Variants in LYPLAL1 observed in about 807,000 individuals in gnomAD.
LYPLAL1 encodes lysophospholipase like 1, also known as lysophospholipase-like protein 1.
In LYPLAL1, 23 loss-of-function variants were observed where a neutral mutation model predicts 19.7. That is an observed-to-expected ratio of 1.17 (90% CI 0.84 to 1.65). LYPLAL1 has a LOEUF of 1.65. Ranked by LOEUF, LYPLAL1 falls within the 40% of genes most tolerant of loss-of-function variation. The pLI is 0.00. For synonymous variants in LYPLAL1, 119 were observed against 96.3 expected, an observed-to-expected ratio of 1.24 and a Z score of -1.38; for missense variants, 355 against 279.4, an observed-to-expected ratio of 1.27 and a Z score of -1.93.
At chr1:219,313,532 T>TG in the LYPLAL1 span, among the ~76,000 whole-genome samples, 36 of 150,146 alleles carry the variant, frequency 2.4e-4, no homozygotes, top group African/African-American at 8.5e-4. Context: ...AAAAAAACTT[T>TG]TTTTTTTTTT....
chr1:219,249,980 T>C, the LYPLAL1 span, among the ~76,000 whole-genome samples: 1 of 152,014 alleles, frequency 6.6e-6, no homozygotes. Flanking sequence ...GCTTTTTCAC[T>C]CTCTTTGTGG....
chr1:219,235,072 T>A, the LYPLAL1 span, among the ~76,000 whole-genome samples: 1 of 152,326 alleles, frequency 6.6e-6, no homozygotes, highest in Admixed American at 6.5e-5. Flanking sequence ...ATCTGTCATT[T>A]GTTTACATTA....
the LYPLAL1 span, among the ~76,000 whole-genome samples, chr1:219,440,355 A>T: frequency 2.0e-5 from 3 of 152,096 alleles, no homozygotes; most frequent in Admixed American, 1.3e-4. Context: ...TCAACCCAGG[A>T]TCGATGTGTA....
At chr1:219,292,767 G>T in the LYPLAL1 span, among the ~76,000 whole-genome samples, 1 of 152,160 alleles carries the variant, frequency 6.6e-6, no homozygotes, top group Admixed American at 6.5e-5. Context: ...ACGTAAGAAG[G>T]TTATTATAAA....
At chr1:219,337,728 T>G in the LYPLAL1 span, among the ~76,000 whole-genome samples, 2 of 152,014 alleles carry the variant, frequency 1.3e-5, no homozygotes, top group African/African-American at 4.8e-5. Context: ...TAAATGAAGT[T>G]TCATCGGAAC....
the LYPLAL1 span, among the ~76,000 whole-genome samples, chr1:219,325,445 C>T: frequency 2.0e-5 from 3 of 152,066 alleles, no homozygotes; most frequent in Non-Finnish European, 4.4e-5. Context: ...AAAATGGCAC[C>T]GTCCCTTTCT....
the LYPLAL1 span, among the ~76,000 whole-genome samples, chr1:219,335,253 C>T: frequency 6.6e-6 from 1 of 151,910 alleles, no homozygotes; most frequent in South Asian, 2.1e-4. Flanking sequence ...CTCCTGTTCA[C>T]ACTCATTTCA....
chr1:219,430,022 A>G, the LYPLAL1 span, among the ~76,000 whole-genome samples: 2 of 152,166 alleles, frequency 1.3e-5, no homozygotes, highest in African/African-American at 4.8e-5. Context: ...GGTCAGACAC[A>G]GTGGCTCACA....
the LYPLAL1 span, among the ~76,000 whole-genome samples, chr1:219,411,078 C>G: frequency 2.6e-5 from 4 of 152,228 alleles, no homozygotes; most frequent in Non-Finnish European, 5.9e-5. Flanking sequence ...CCTGCAGCCC[C>G]GGTGCCGGAT....
chr1:219,394,408 C>A, the LYPLAL1 span, among the ~76,000 whole-genome samples: 4 of 152,042 alleles, frequency 2.6e-5, no homozygotes, highest in Non-Finnish European at 5.9e-5. Context: ...CATGGTTATG[C>A]CGCTATCACC....
the LYPLAL1 span, among the ~76,000 whole-genome samples, chr1:219,244,810 C>T: frequency 6.7e-6 from 1 of 148,920 alleles, no homozygotes; most frequent in Non-Finnish European, 1.5e-5. Flanking sequence ...AGCCAGACAT[C>T]GTGGTGCATG....
At chr1:219,311,933 A>G in the LYPLAL1 span, among the ~76,000 whole-genome samples, 6 of 152,274 alleles carry the variant, frequency 3.9e-5, no homozygotes, top group African/African-American at 1.4e-4. Context: ...TTTGAATTCT[A>G]TACATTAAAA....
rs17049146 is a variant in LYPLAL1 at position 219,205,974 on chromosome 1, G to A, written c.362-4558G>A. ...AATAAATGTAATAGTCATAATTTCT[G>A]TATTCCCAAATCTGAAGAATAATTA... On this transcript the variant is annotated intron_variant, in intron 3 of 4. Transcript: ENST00000366928. 1.0e-3 allele frequency among the ~76,000 whole-genome samples: 153 copies of A among 152,218 alleles called. 7 individuals carry two copies. In the East Asian group the frequency reaches 0.027, roughly 27 times the overall value.
the LYPLAL1 span, among the ~76,000 whole-genome samples, chr1:219,399,916 C>T: frequency 1.3e-5 from 2 of 152,208 alleles, no homozygotes; most frequent in Non-Finnish European, 2.9e-5. Context: ...CCACACCAAA[C>T]CCGCTGGTCT....
At chr1:219,203,086 C>G (rs972727499) in intron 3 of LYPLAL1, among the ~76,000 whole-genome samples, 4 of 62,748 alleles carry the variant, frequency 6.4e-5, no homozygotes, top group Non-Finnish European at 1.2e-4. Context: ...AGTTGTTAAC[C>G]TTTTATTTTG....
At chr1:219,372,281 A>C in the LYPLAL1 span, among the ~76,000 whole-genome samples, 1 of 152,244 alleles carries the variant, frequency 6.6e-6, no homozygotes, top group Non-Finnish European at 1.5e-5. Flanking sequence ...AAACAAATAA[A>C]TAAATAAAAC....
downstream of LYPLAL1, among the ~76,000 whole-genome samples, chr1:219,215,620 C>T (rs1278149419): frequency 6.6e-6 from 1 of 152,088 alleles, no homozygotes; most frequent in South Asian, 2.1e-4. Context: ...TCATACTCTG[C>T]CCTATCAAAT....
the LYPLAL1 span, among the ~76,000 whole-genome samples, chr1:219,350,266 A>T: frequency 1.3e-5 from 2 of 152,088 alleles, no homozygotes; most frequent in Admixed American, 1.3e-4. Context: ...TATGTTTTCA[A>T]TCAGTTCTAC....
the LYPLAL1 span, among the ~76,000 whole-genome samples, chr1:219,377,837 C>T: frequency 6.6e-6 from 1 of 152,084 alleles, no homozygotes; most frequent in African/African-American, 2.4e-5. Flanking sequence ...TCAAAGACAC[C>T]CAGCTTCCTA....
Sources: allele counts gnomAD v4.1 joint callset (sites outside exome capture counted in the v4.1 genomes callset), GRCh38; gene constraint gnomAD v4.1.1; transcripts MANE v1.5; gene names NCBI Gene and HGNC (gene_info 2026-07-23, HGNC 2026-07-21).